Variants in DENND3 observed in about 807,000 individuals in gnomAD.
DENND3 encodes DENN domain-containing protein 3.
Under a neutral mutation model 135.1 loss-of-function variants are expected in DENND3, and 88 were observed. That is an observed-to-expected ratio of 0.65 (90% CI 0.55 to 0.78). DENND3 has a LOEUF of 0.78. Ranked by LOEUF, DENND3 falls within the 30% of genes least tolerant of loss-of-function variation. DENND3 has a pLI of 0.00. For synonymous variants in DENND3, 693 were observed against 712.3 expected (o/e 0.97, Z 0.43); for missense variants, 1,392 against 1,688.4 (o/e 0.82, Z 3.08).
At chr8:141,133,128 G>A (rs948871005) in intron 1 of DENND3, among the ~76,000 whole-genome samples, 1 of 152,192 alleles carries the variant, frequency 6.6e-6, no homozygotes, top group Admixed American at 6.5e-5. Context: ...TGCAGTGAGC[G>A]TGGGGGGTGG....
At chr8:141,129,346 G>C (rs557393382) in intron 1 of DENND3, among the ~76,000 whole-genome samples, 1 of 152,250 alleles carries the variant, frequency 6.6e-6, no homozygotes, top group Non-Finnish European at 1.5e-5. Context: ...AGAGTTAGCC[G>C]CCGGCCTCGC....
chr8:141,137,762 G>T lies in DENND3; in HGVS notation c.386-260G>T, dbSNP rs1245217674. Among the ~76,000 whole-genome samples the T allele has an allele frequency of 6.6e-6, 1 of 152,248 alleles. No individual in the cohort carries two copies. The highest frequency in any genetic ancestry group is 1.5e-5 in the Non-Finnish European group (1 of 68,038). On this transcript the variant is annotated intron_variant, in intron 2 of 22. Coordinates refer to ENST00000519811, the MANE Select transcript of DENND3 (RefSeq NM_001352890.3). This position sits in a 1 kb window ranked among gnomAD's most constrained non-coding sequence, Gnocchi z 4.1. ...GATTATAAACCTGGGACAGGCGCCA[G>T]GTGGGCGGCTGTGCCCAGCAAGCAC...
intron 13 of DENND3, among the ~76,000 whole-genome samples, chr8:141,172,038 A>C (rs1821651273): frequency 1.4e-5 from 2 of 142,108 alleles, no homozygotes; most frequent in South Asian, 4.5e-4. Context: ...GGGTGTGCAC[A>C]GTGTCTTGGG....
At chr8:141,131,573 G>T (rs1201585345) in intron 1 of DENND3, among the ~76,000 whole-genome samples, 1 of 152,168 alleles carries the variant, frequency 6.6e-6, no homozygotes. Context: ...AAGAAACTGG[G>T]TTTAAAATTT....
intron 16 of DENND3, among the ~76,000 whole-genome samples, chr8:141,180,233 T>C (rs553673071): frequency 7.9e-5 from 12 of 152,302 alleles, no homozygotes; most frequent in Admixed American, 7.2e-4. Flanking sequence ...CCACATCCCA[T>C]GGCACACAGG....
chr8:141,138,188 A>G lies in DENND3; in HGVS notation c.501+51A>G. The G allele has an allele frequency of 6.6e-7, 1 of 1,519,340 alleles. No individual in the cohort carries two copies. The highest frequency in any genetic ancestry group is 9.0e-7 in the Non-Finnish European group (1 of 1,116,226). The allele number at this position is 1,519,340 out of a possible 1,614,324, so 94.1% of individuals were successfully genotyped here. A position where few individuals can be genotyped will look rare whatever the true frequency, so the allele number is the denominator to read the frequency against. On this transcript the variant is annotated intron_variant, in intron 3 of 22. Coordinates refer to ENST00000519811, the MANE Select transcript of DENND3 (RefSeq NM_001352890.3). This position sits in a 1 kb window ranked among gnomAD's most constrained non-coding sequence, Gnocchi z 4.8. ...TGAAATTGGGTTTAGATTTTTTATT[A>G]TGGTGAAATACACATAACACAACAT...
At chr8:141,171,963 TA>T in intron 13 of DENND3, among the ~76,000 whole-genome samples, 1 of 143,962 alleles carries the variant, frequency 6.9e-6, no homozygotes, top group Non-Finnish European at 1.5e-5. Context: ...TGCACTGTGG[TA>T]GGTGTGAACA....
In DENND3 at chr8:141,168,136, C is replaced by T; in HGVS notation, c.1886C>T (p.Ala629Val). 1 of 1,614,214 alleles carries T rather than the reference C, an allele frequency of 6.2e-7. No homozygotes were observed. The highest frequency in any genetic ancestry group is 8.5e-7 in the Non-Finnish European group (1 of 1,180,046). Residue 629 changes from alanine to valine, a missense_variant, in exon 13 of 23, where the codon GCC (alanine) becomes GTC (valine). Ala to Val is a moderately conservative substitution (Grantham distance 64, BLOSUM62 0). Transcript: ENST00000519811. The surrounding 1 kb of genome is among the most constrained non-coding windows in gnomAD (Gnocchi z 6.2). ...SMLSEAMCFL[A>V]PDNSLLLARY... Reference sequence around the variant, plus strand: ...CTGAGCGAGGCCATGTGCTTTCTGGCCCCCGATAACTCTCTGCTCCTGGCC... The same window carrying T: ...CTGAGCGAGGCCATGTGCTTTCTGGTCCCCGATAACTCTCTGCTCCTGGCC...
intron 14 of DENND3, chr8:141,176,372 CTG>C (rs1482521507): frequency 1.8e-6 from 1 of 567,306 alleles, no homozygotes; most frequent in African/African-American, 1.9e-5. Flanking sequence ...GCGAGCCCAG[CTG>C]TGTGGGTGGG....
Position 141,154,870 on chromosome 8 carries a change from G to A in DENND3, c.1075-979G>A, listed in dbSNP as rs1036386096. On this transcript the variant is annotated intron_variant, in intron 7 of 22. Coordinates refer to ENST00000519811, the MANE Select transcript of DENND3 (RefSeq NM_001352890.3). The surrounding 1 kb of genome is among the most constrained non-coding windows in gnomAD (Gnocchi z 4.4). ...GAGCCACTGCACCCAGCCTGTGTTG[G>A]AATCTTCACTGAAAGAGAAAGGCAT... 1.3e-5 allele frequency among the ~76,000 whole-genome samples: 2 copies of A among 152,182 alleles called. No homozygotes were observed. The highest frequency in any genetic ancestry group is 2.9e-5 in the Non-Finnish European group (2 of 68,032).
chr8:141,184,237 C>T (rs1055692894), intron 17 of DENND3, among the ~76,000 whole-genome samples: 6 of 152,204 alleles, frequency 3.9e-5, no homozygotes, highest in African/African-American at 1.4e-4. Context: ...TCAGATTCAC[C>T]AGTCTTTTGC....
At position 141,138,390 on chromosome 8, in the gene DENND3, T is replaced by C. The variant is rs566233922; in HGVS notation, c.501+253T>C. On this transcript the variant is annotated intron_variant, in intron 3 of 22. Coordinates refer to ENST00000519811, the MANE Select transcript of DENND3 (RefSeq NM_001352890.3). This position sits in a 1 kb window ranked among gnomAD's most constrained non-coding sequence, Gnocchi z 4.8. The stretch of plus-strand genomic sequence containing the variant: ...GCCTGGCGATGGCTAATCTGCTTGC[T>C]TTTTTTTTTTATTGAGATGGAGTCT... Among the ~76,000 whole-genome samples, 1 of 142,148 alleles carries C rather than the reference T, an allele frequency of 7.0e-6. No homozygotes were observed. The highest frequency in any genetic ancestry group is 2.6e-5 in the African/African-American group (1 of 37,856). The allele number at this position is 142,148 out of a possible 152,430, so 93.3% of individuals were successfully genotyped here.
At chr8:141,143,593 C>T (rs748871035) in intron 4 of DENND3, among the ~76,000 whole-genome samples, 13 of 152,186 alleles carry the variant, frequency 8.5e-5, no homozygotes, top group Non-Finnish European at 1.6e-4. Flanking sequence ...TTTGTAGAGA[C>T]GGGGGTCTCA....
chr8:141,181,570 G>T (rs1823103709), intron 17 of DENND3, among the ~76,000 whole-genome samples: 1 of 152,198 alleles, frequency 6.6e-6, no homozygotes, highest in Non-Finnish European at 1.5e-5. Flanking sequence ...CCGCATCAGG[G>T]TGGTGGCAGG....
In DENND3 at chr8:141,150,284, A is replaced by G. The variant is rs1311420588; in HGVS notation, c.736-550A>G. The G allele has an allele frequency of 2.4e-6, 3 of 1,276,498 alleles. No homozygotes were observed. The African/African-American group carries it at 4.6e-5, about 20-fold the overall frequency. The allele number at this position is 1,276,498 out of a possible 1,614,324, so 79.1% of individuals were successfully genotyped here. Reference sequence around the variant, plus strand: ...CCTTCTCCTCTGGATTTCCTCCGCCAGGTCCAGCCGTGTCTCAGTAGCCAT... The same window carrying G: ...CCTTCTCCTCTGGATTTCCTCCGCCGGGTCCAGCCGTGTCTCAGTAGCCAT... On this transcript the variant is annotated intron_variant, in intron 5 of 22. Coordinates refer to ENST00000519811, the MANE Select transcript of DENND3 (RefSeq NM_001352890.3).
In DENND3 at chr8:141,167,726, C is replaced by T. The variant is rs1820989640; in HGVS notation, c.1754-278C>T. On this transcript the variant is annotated intron_variant, in intron 12 of 22. Coordinates refer to ENST00000519811, the MANE Select transcript of DENND3 (RefSeq NM_001352890.3). The surrounding 1 kb of genome is among the most constrained non-coding windows in gnomAD (Gnocchi z 4.1). ...TTAGCTTCATCCTCAAATAAAGCCT[C>T]AGTACCCGATACCTCAGTAGTATTA... Among the ~76,000 whole-genome samples, 1 of 152,228 alleles carries T rather than the reference C, an allele frequency of 6.6e-6. No individual in the cohort carries two copies. Among genetic ancestry groups the T allele is most frequent in the South Asian group, 2.1e-4 (1 of 4,830 alleles).
In DENND3 at chr8:141,189,193, G is replaced by A. The variant is rs767825462; in HGVS notation, c.3245+47G>A. Reference sequence around the variant, plus strand: ...AGAAGGGACTGTTTGGCTTGTGGGTGGGCAGAAGGCACAGCGGGTAGGGTT... The same window carrying A: ...AGAAGGGACTGTTTGGCTTGTGGGTAGGCAGAAGGCACAGCGGGTAGGGTT... On this transcript the variant is annotated intron_variant, in intron 19 of 22. Transcript: ENST00000519811. 5 of 1,612,834 alleles carry A rather than the reference G, an allele frequency of 3.1e-6. No homozygotes were observed. In the Admixed American group the frequency reaches 8.4e-5, roughly 27 times the overall value.
intron 18 of DENND3, among the ~76,000 whole-genome samples, chr8:141,187,763 G>T (rs750484114): frequency 9.2e-5 from 14 of 152,108 alleles, no homozygotes; most frequent in Non-Finnish European, 1.9e-4. Flanking sequence ...AGATGATAAA[G>T]TAATAGGATC....
intron 13 of DENND3, among the ~76,000 whole-genome samples, chr8:141,171,842 G>A (rs561509722): frequency 3.3e-4 from 49 of 149,312 alleles, no homozygotes; most frequent in Middle Eastern, 3.5e-3. Flanking sequence ...TGTGGTAGGC[G>A]TGCACAGTGC....
Sources: allele counts gnomAD v4.1 joint callset (sites outside exome capture counted in the v4.1 genomes callset), GRCh38; gene constraint gnomAD v4.1.1; non-coding constraint Gnocchi (gnomAD v3.1); transcripts MANE v1.5; gene names NCBI Gene and HGNC (gene_info 2026-07-23, HGNC 2026-07-21).